The following DNAH9 variants were observed in gnomAD, a reference collection of about 807,000 sequenced individuals.
DNAH9 encodes dynein axonemal heavy chain 9.
A neutral mutation model predicts 471.6 loss-of-function variants in DNAH9; 345 were observed. The ratio of observed to expected loss-of-function variants is 0.73; its 90% CI spans 0.67 to 0.80. DNAH9 has a LOEUF of 0.80. Ranked by LOEUF, DNAH9 falls within the 30% of genes least tolerant of loss-of-function variation. DNAH9 has a pLI of 0.00. For synonymous variants in DNAH9, 2,093 were observed against 2,123.6 expected, an observed-to-expected ratio of 0.99 and a Z score of 0.40; for missense variants, 5,407 against 5,609.2, an observed-to-expected ratio of 0.96 and a Z score of 1.15.
At position 11,961,908 on chromosome 17, in the gene DNAH9, T is replaced by C; in HGVS notation, c.12885T>C (p.Asn4295=). ...TMTSHMENLQ[N]ALYFDMVPES... is the part of the protein sequence containing the mutation. ...CCAGCCACATGGAGAACTTACAGAA[T>C]GCCCTGTACTTCGATATGGTGCCAG... Residue 4295 remains asparagine (N), a synonymous_variant, in exon 68 of 69, where the codon AAT becomes AAC. Transcript: ENST00000262442. 2 of 1,613,496 alleles carry C rather than the reference T, an allele frequency of 1.2e-6. No individual in the cohort carries two copies. The highest frequency in any genetic ancestry group is 1.7e-6 in the Non-Finnish European group (2 of 1,179,702).
At chr17:11,632,286 G>C (rs1225723629) in intron 7 of DNAH9, among the ~76,000 whole-genome samples, 1 of 152,168 alleles carries the variant, frequency 6.6e-6, no homozygotes, top group Non-Finnish European at 1.5e-5. Flanking sequence ...GTGAGCTGGT[G>C]TTATGAGTGA....
rs542919241 is a variant in DNAH9 at position 11,780,378 on chromosome 17, T to C, written c.7553-631T>C. ...GGGAACACTGTTGGCAAAACATCCA[T>C]TGAGGCCTCTCTTACAGCCTCGGAG... On this transcript the variant is annotated intron_variant, in intron 38 of 68. Transcript: ENST00000262442. Among the ~76,000 whole-genome samples the C allele has an allele frequency of 1.7e-4, 26 of 152,260 alleles. 1 individual carries two copies. The highest frequency in any genetic ancestry group is 3.6e-4 in the African/African-American group (15 of 41,552).
intron 17 of DNAH9, among the ~76,000 whole-genome samples, chr17:11,678,661 GA>G (rs1259595258): frequency 1.4e-5 from 2 of 144,414 alleles, no homozygotes; most frequent in African/African-American, 5.3e-5. Context: ...CTAATTTTAA[GA>G]TTTTTTTTTT....
At chr17:11,820,120 G>C (rs1168334957) in intron 45 of DNAH9, among the ~76,000 whole-genome samples, 1 of 152,068 alleles carries the variant, frequency 6.6e-6, no homozygotes, top group African/African-American at 2.4e-5. Context: ...TTTATTCCTA[G>C]TTTGCTAACA....
At chr17:11,899,720 G>T (rs1007224433) in intron 59 of DNAH9, among the ~76,000 whole-genome samples, 2 of 152,172 alleles carry the variant, frequency 1.3e-5, no homozygotes, top group Admixed American at 6.5e-5. Flanking sequence ...CTGGGAAGAG[G>T]GGGTGAGTGG....
At chr17:11,796,892 A>C (rs1969262400) in intron 42 of DNAH9, among the ~76,000 whole-genome samples, 1 of 151,986 alleles carries the variant, frequency 6.6e-6, no homozygotes, top group Non-Finnish European at 1.5e-5. Flanking sequence ...AGAGACGCAG[A>C]CTCCTTATCC....
intron 22 of DNAH9, among the ~76,000 whole-genome samples, chr17:11,698,123 A>G (rs914799374): frequency 1.0e-4 from 13 of 127,330 alleles, no homozygotes; most frequent in African/African-American, 4.2e-4. Flanking sequence ...TTAGCTATAT[A>G]TAATATATAA....
intron 51 of DNAH9, among the ~76,000 whole-genome samples, chr17:11,870,642 T>C (rs901429281): frequency 6.6e-6 from 1 of 152,208 alleles, no homozygotes; most frequent in Non-Finnish European, 1.5e-5. Context: ...CTCTTGCCAA[T>C]GTGCAAGAAG....
chr17:11,726,818 G>T (rs990027670), intron 27 of DNAH9, among the ~76,000 whole-genome samples: 21 of 152,108 alleles, frequency 1.4e-4, no homozygotes, highest in African/African-American at 4.8e-4. Flanking sequence ...GGAGGCCAAG[G>T]CGGGTTGATT....
At chr17:11,617,352 T>C in intron 4 of DNAH9, 59 bp from the exon 5 acceptor site, 1 of 1,236,514 alleles carries the variant, frequency 8.1e-7, no homozygotes. Flanking sequence ...GGACTAGGGC[T>C]CCACCAGGTG....
Position 11,932,567 on chromosome 17 carries a change from G to A in DNAH9, c.12297+362G>A, listed in dbSNP as rs191031589. Among the ~76,000 whole-genome samples, 63 of 152,304 alleles carry A rather than the reference G, an allele frequency of 4.1e-4. No individual in the cohort carries two copies. In the Middle Eastern group the frequency reaches 0.01, roughly 25 times the overall value. On this transcript the variant is annotated intron_variant, in intron 64 of 68. Coordinates refer to ENST00000262442, the MANE Select transcript of DNAH9 (RefSeq NM_001372.4). This position sits in a 1 kb window ranked among gnomAD's most constrained non-coding sequence, Gnocchi z 4.3. Reference sequence around the variant, plus strand: ...TTTTAACGAGATTCTCTGGTAATTCGTATGCACGTTAAGGAGGGATGATGC... The same window carrying A: ...TTTTAACGAGATTCTCTGGTAATTCATATGCACGTTAAGGAGGGATGATGC...
chr17:11,627,091 G>A (rs2072983208), intron 6 of DNAH9, among the ~76,000 whole-genome samples: 1 of 152,176 alleles, frequency 6.6e-6, no homozygotes, highest in Non-Finnish European at 1.5e-5. Context: ...AAAGCTGGAT[G>A]GGTGGATCTC....
intron 32 of DNAH9, among the ~76,000 whole-genome samples, chr17:11,752,598 C>G (rs1233928353): frequency 1.3e-5 from 2 of 152,080 alleles, no homozygotes; most frequent in East Asian, 1.9e-4. Flanking sequence ...ACCCAGGAGG[C>G]AGAGGTTGCA....
intron 4 of DNAH9, 66 bp downstream of exon 4, chr17:11,611,846 C>T: frequency 1.3e-6 from 2 of 1,518,828 alleles, no homozygotes; most frequent in African/African-American, 1.4e-5. Context: ...ATGCATTCAC[C>T]TCTCTCTGTC....
chr17:11,647,105 G>A lies in DNAH9; in HGVS notation c.2004G>A (p.Arg668=). ...CAAGACTTTATGAGGATTGGTGCCG[G>A]ACAGTATCAGAGAAGTCACAGTACA... ...YETRLYEDWC[R]TVSEKSQYNL... Residue 668 remains arginine, a synonymous_variant, in exon 12 of 69, where the codon CGG becomes CGA. Coordinates refer to ENST00000262442, the MANE Select transcript of DNAH9 (RefSeq NM_001372.4). 6.2e-7 allele frequency: 1 copy of A among 1,613,920 alleles called. No homozygotes were observed. Among genetic ancestry groups the A allele is most frequent in the Middle Eastern group, 1.7e-4 (1 of 6,060 alleles).
chr17:11,759,018 G>A (rs949792257), intron 35 of DNAH9, among the ~76,000 whole-genome samples: 3 of 151,802 alleles, frequency 2.0e-5, no homozygotes, highest in Non-Finnish European at 2.9e-5. Context: ...ATCACAGATG[G>A]ACTAGGGCAG....
chr17:11,811,444 T>C (rs1969896746), intron 45 of DNAH9, among the ~76,000 whole-genome samples: 2 of 152,174 alleles, frequency 1.3e-5, no homozygotes, highest in African/African-American at 4.8e-5. Context: ...AGCTCTCTTA[T>C]CCAGGGCAGT....
chr17:11,935,610 A>C (rs1974686474), intron 65 of DNAH9, among the ~76,000 whole-genome samples: 1 of 149,366 alleles, frequency 6.7e-6, no homozygotes, highest in Admixed American at 6.7e-5. Flanking sequence ...TCCTGACCTC[A>C]TGATCCTCCC....
chr17:11,922,764 A>C (rs1357536197), intron 61 of DNAH9, among the ~76,000 whole-genome samples: 1 of 152,216 alleles, frequency 6.6e-6, no homozygotes, highest in Non-Finnish European at 1.5e-5. Flanking sequence ...ATAGGGCATA[A>C]AGTACAGGAA....
Sources: allele counts gnomAD v4.1 joint callset (sites outside exome capture counted in the v4.1 genomes callset), GRCh38; gene constraint gnomAD v4.1.1; non-coding constraint Gnocchi (gnomAD v3.1); transcripts MANE v1.5; gene names NCBI Gene and HGNC (gene_info 2026-07-23, HGNC 2026-07-21).